Variants in MAN1A1 observed in about 807,000 individuals in gnomAD.
The protein encoded by MAN1A1 is mannosidase alpha class 1A member 1.
Under a neutral mutation model 70.8 loss-of-function variants are expected in MAN1A1, and 29 were observed. The observed-to-expected ratio is 0.41, with a 90% confidence interval of 0.31 to 0.56. MAN1A1 has a LOEUF of 0.56. Ranked by LOEUF, MAN1A1 falls within the 20% of genes least tolerant of loss-of-function variation. MAN1A1 has a pLI of 0.29. For synonymous variants in MAN1A1, 349 were observed against 330.1 expected (o/e 1.06, Z -0.62); for missense variants, 747 against 841.3 (o/e 0.89, Z 1.39).
intron 2 of MAN1A1, among the ~76,000 whole-genome samples, chr6:119,336,948 CAT>C (rs1773467204): frequency 1.3e-5 from 2 of 151,776 alleles, no homozygotes; most frequent in Non-Finnish European, 2.9e-5. Context: ...TTAAAAATAA[CAT>C]ATCTAAAAAA....
intron 5 of MAN1A1, among the ~76,000 whole-genome samples, chr6:119,289,594 A>G (rs1214555824): frequency 6.6e-6 from 1 of 151,938 alleles, no homozygotes; most frequent in Non-Finnish European, 1.5e-5. Flanking sequence ...AGAAGGTAAC[A>G]GAGTTCACAA....
chr6:119,242,523 G>A (rs1775040640), intron 6 of MAN1A1, among the ~76,000 whole-genome samples: 1 of 151,978 alleles, frequency 6.6e-6, no homozygotes, highest in Non-Finnish European at 1.5e-5. Context: ...TGATGTCCAC[G>A]AAAGGACATC....
At chr6:119,216,860 TG>T (rs1406857088) in intron 6 of MAN1A1, among the ~76,000 whole-genome samples, 2 of 152,240 alleles carry the variant, frequency 1.3e-5, no homozygotes, top group Admixed American at 6.5e-5. Context: ...TGTTGTATAC[TG>T]TGTTTGCTGA....
At chr6:119,279,578 C>T (rs1474150170) in intron 5 of MAN1A1, among the ~76,000 whole-genome samples, 2 of 149,188 alleles carry the variant, frequency 1.3e-5, no homozygotes, top group Non-Finnish European at 1.5e-5. Flanking sequence ...AAAATGTACA[C>T]GTTCACATCA....
intron 5 of MAN1A1, among the ~76,000 whole-genome samples, chr6:119,253,772 G>A (rs1167303941): frequency 6.6e-6 from 1 of 152,046 alleles, no homozygotes; most frequent in Non-Finnish European, 1.5e-5. Context: ...AACATACCTG[G>A]GGCATTGTAA....
At chr6:119,259,482 C>T (rs1775548263) in intron 5 of MAN1A1, among the ~76,000 whole-genome samples, 1 of 152,168 alleles carries the variant, frequency 6.6e-6, no homozygotes, top group African/African-American at 2.4e-5. Context: ...GTAAGCTACT[C>T]ATTTTTTCAT....
At chr6:119,203,342 C>T (rs1014832957) in intron 7 of MAN1A1, among the ~76,000 whole-genome samples, 3 of 151,806 alleles carry the variant, frequency 2.0e-5, no homozygotes, top group Non-Finnish European at 2.9e-5. Flanking sequence ...GAAGAGCACT[C>T]GGAACAGAGA....
chr6:119,246,986 A>G (rs1775184826), intron 6 of MAN1A1, among the ~76,000 whole-genome samples: 1 of 151,934 alleles, frequency 6.6e-6, no homozygotes. Context: ...AACTCTCCCC[A>G]CCCCACTCCC....
intron 8 of MAN1A1, among the ~76,000 whole-genome samples, chr6:119,199,553 T>C (rs1245397108): frequency 1.3e-5 from 2 of 152,188 alleles, no homozygotes; most frequent in Non-Finnish European, 2.9e-5. Context: ...TTTTTTTTTT[T>C]TACTGTTTCA....
intron 5 of MAN1A1, among the ~76,000 whole-genome samples, chr6:119,256,116 T>G (rs1414991645): frequency 2.6e-5 from 4 of 152,160 alleles, no homozygotes; most frequent in Non-Finnish European, 5.9e-5. Flanking sequence ...CATGCTATCC[T>G]GCCAATAACC....
At chr6:119,226,095 T>G (rs750995724) in intron 6 of MAN1A1, among the ~76,000 whole-genome samples, 21 of 152,186 alleles carry the variant, frequency 1.4e-4, no homozygotes, top group Non-Finnish European at 1.5e-5. Flanking sequence ...TTACTTGAAA[T>G]ACAATACTAA....
In MAN1A1 at chr6:119,297,018, A is replaced by G. The variant is rs554849915; in HGVS notation, c.816+4970T>C. Among the ~76,000 whole-genome samples, 92 of 152,370 alleles carry G rather than the reference A, an allele frequency of 6.0e-4. 1 individual carries two copies. The highest frequency in any genetic ancestry group is 1.2e-3 in the Non-Finnish European group (82 of 68,034). ...TCTGGAGAAAAATTCTACATATTCC[A>G]TAAAATTCATTACAGAAGATAGTTT... On this transcript the variant is annotated intron_variant, in intron 4 of 12. Coordinates refer to ENST00000368468, the MANE Select transcript of MAN1A1 (RefSeq NM_005907.4).
intron 2 of MAN1A1, among the ~76,000 whole-genome samples, chr6:119,343,634 A>G (rs1300740173): frequency 6.6e-6 from 1 of 152,206 alleles, no homozygotes; most frequent in Non-Finnish European, 1.5e-5. Context: ...GGAAAAGTCA[A>G]GACTTATTTC....
At chr6:119,295,797 A>G (rs1772200284) in intron 4 of MAN1A1, among the ~76,000 whole-genome samples, 1 of 152,170 alleles carries the variant, frequency 6.6e-6, no homozygotes, top group Non-Finnish European at 1.5e-5. Flanking sequence ...GACTATTATC[A>G]TACATGAGAA....
intron 6 of MAN1A1, among the ~76,000 whole-genome samples, chr6:119,220,197 T>C (rs926277858): frequency 3.9e-5 from 6 of 152,234 alleles, no homozygotes; most frequent in East Asian, 1.9e-4. Context: ...ATGGACAATA[T>C]ATAAGGTTTG....
chr6:119,185,888 C>T (rs986477401), intron 11 of MAN1A1, among the ~76,000 whole-genome samples: 1 of 130,216 alleles, frequency 7.7e-6, no homozygotes, highest in Non-Finnish European at 1.6e-5. Flanking sequence ...ACTAAAAGAA[C>T]AAGTTGGACC....
chr6:119,279,193 T>C (rs1240495104), intron 5 of MAN1A1, among the ~76,000 whole-genome samples: 1 of 152,166 alleles, frequency 6.6e-6, no homozygotes, highest in Non-Finnish European at 1.5e-5. Flanking sequence ...ACCTATTAAA[T>C]TATGGCTACT....
intron 5 of MAN1A1, among the ~76,000 whole-genome samples, chr6:119,251,953 G>A (rs1461700252): frequency 7.9e-5 from 12 of 152,272 alleles, no homozygotes; most frequent in African/African-American, 2.6e-4. Context: ...TCAGGAATCT[G>A]TGTAAATGTC....
chr6:119,182,629 T>C (rs542532197), intron 11 of MAN1A1, among the ~76,000 whole-genome samples: 9 of 152,000 alleles, frequency 5.9e-5, no homozygotes, highest in Admixed American at 5.9e-4. Flanking sequence ...ATCCTACTAA[T>C]CCTATTAATT....
Sources: gnomAD v4.1 joint callset for allele counts (sites outside exome capture counted in the v4.1 genomes callset) on GRCh38, gnomAD v4.1.1 for gene constraint, MANE v1.5 for transcripts, NCBI Gene and HGNC (gene_info 2026-07-23, HGNC 2026-07-21) for gene names.